KANSL3: variants seen among roughly 807,000 people sequenced by gnomAD.
The protein encoded by KANSL3 is NSL complex protein NSL3.
In KANSL3, 16 loss-of-function variants were observed where a neutral mutation model predicts 89.2. The observed-to-expected ratio is 0.18, with a 90% confidence interval of 0.12 to 0.27. KANSL3 has a LOEUF of 0.27. Ranked by LOEUF, KANSL3 falls within the 10% of genes least tolerant of loss-of-function variation. The pLI is 1.00. For synonymous variants in KANSL3, 385 were observed against 419.7 expected (o/e 0.92, Z 1.01); for missense variants, 879 against 1,110.6 (o/e 0.79, Z 2.96).
downstream of KANSL3, among the ~76,000 whole-genome samples, chr2:96,590,301 T>C (rs1478015350): frequency 9.2e-5 from 14 of 152,138 alleles, no homozygotes. Flanking sequence ...GTTTCTTTTT[T>C]TTTTTCTTTA....
intron 20 of KANSL3, chr2:96,600,828 A>G: frequency 1.0e-6 from 1 of 985,460 alleles, no homozygotes; most frequent in Non-Finnish European, 1.2e-6. Flanking sequence ...TGTGCCCTAA[A>G]AAGACAGCAA....
intron 5 of KANSL3, chr2:96,615,637 T>G: frequency 2.1e-6 from 1 of 483,612 alleles, no homozygotes; most frequent in Non-Finnish European, 3.5e-6. Context: ...TACTACGGTT[T>G]GATGCAAGTT....
downstream of KANSL3, among the ~76,000 whole-genome samples, chr2:96,591,690 AAGG>A (rs1490852993): frequency 1.3e-5 from 2 of 152,200 alleles, no homozygotes; most frequent in Non-Finnish European, 2.9e-5. Context: ...GGGAAGAGAT[AAGG>A]AGAACCAACC....
intron 15 of KANSL3, 95 bp from the exon 16 acceptor site, chr2:96,604,958 A>G: frequency 1.0e-6 from 1 of 988,690 alleles, no homozygotes; most frequent in Non-Finnish European, 1.5e-6. Flanking sequence ...GATATTACGG[A>G]CGAAAACTGG....
chr2:96,596,638 T>A (rs1289925792), intron 20 of KANSL3, among the ~76,000 whole-genome samples: 1 of 152,186 alleles, frequency 6.6e-6, no homozygotes, highest in Non-Finnish European at 1.5e-5. Flanking sequence ...AGACCCCATC[T>A]CAATCAAAAA....
the KANSL3 span, among the ~76,000 whole-genome samples, chr2:96,586,909 G>A: frequency 1.3e-5 from 2 of 151,980 alleles, no homozygotes; most frequent in Non-Finnish European, 2.9e-5. Context: ...TAATTACCTT[G>A]TTTTAGCTAT....
At position 96,601,766 on chromosome 2, in the gene KANSL3, G is replaced by A; in HGVS notation, c.2493C>T (p.Val831=). Residue 831 remains valine (V), a synonymous_variant, in exon 20 of 21, where the codon GTC becomes GTT. Coordinates refer to ENST00000431828, the MANE Select transcript of KANSL3 (RefSeq NM_001115016.3). ...GAAGTGTCAGAGTAATGGTGGTGGG[G>A]ACCTTCAAGCCTGAGATAAAGAGAG... ...QISNQASGLK[V]PTTITLTLRG... The A allele has an allele frequency of 1.3e-6, 2 of 1,572,068 alleles. No homozygotes were observed. The highest frequency in any genetic ancestry group is 2.3e-5 in the South Asian group (2 of 85,416).
chr2:96,617,768 C>T (rs1280050740), intron 5 of KANSL3, among the ~76,000 whole-genome samples: 2 of 151,728 alleles, frequency 1.3e-5, no homozygotes, highest in African/African-American at 4.8e-5. Context: ...GAGGCCGAGG[C>T]GGGCGGATCA....
chr2:96,604,768 T>C lies in KANSL3; in HGVS notation c.2018+11A>G, dbSNP rs924167065. On this transcript the variant is annotated intron_variant, in intron 16 of 20. Coordinates refer to ENST00000431828, the MANE Select transcript of KANSL3 (RefSeq NM_001115016.3). ...AAAGGAATAGACACAGATGGTCCAA[T>C]AAACACTCACTTGGCTGTGGTGAGA... 1.3e-6 allele frequency: 2 copies of C among 1,582,488 alleles called. No individual in the cohort carries two copies. Among genetic ancestry groups the C allele is most frequent in the African/African-American group, 1.3e-5 (1 of 74,256 alleles).
chr2:96,627,221 T>A (rs1468601982), intron 3 of KANSL3, among the ~76,000 whole-genome samples: 2 of 142,312 alleles, frequency 1.4e-5, no homozygotes, highest in African/African-American at 5.3e-5. Context: ...AACATGCTTC[T>A]TTTTTTTTTT....
chr2:96,630,021 GT>G (rs1558775632), intron 3 of KANSL3, among the ~76,000 whole-genome samples: 1 of 152,134 alleles, frequency 6.6e-6, no homozygotes, highest in East Asian at 1.9e-4. Context: ...AAGAAAATCA[GT>G]AAGTGTTGGC....
rs1445141274 is a variant in KANSL3 at position 96,608,926 on chromosome 2, C to T, written c.1522G>A (p.Glu508Lys). Residue 508 changes from glutamate to lysine, a missense_variant, in exon 13 of 21, where the codon GAG becomes AAG. Glu to Lys is a moderately conservative substitution (Grantham distance 56). This residue lies in a region of KANSL3 where 317 missense variants were observed against 311.2 expected (regional missense o/e 1.02). Coordinates refer to ENST00000431828, the MANE Select transcript of KANSL3 (RefSeq NM_001115016.3). ...ARRDLAFEVPERGSRPASPAA... is the reference protein window; with the variant it reads ...ARRDLAFEVPKRGSRPASPAA... The stretch of plus-strand genomic sequence containing the variant: ...GGGGAGGCAGGTCGACTGCCCCGCT[C>T]AGGGACTTCAAAGGCCAAGTCTCTG... 1.9e-6 allele frequency: 3 copies of T among 1,570,360 alleles called. No homozygotes were observed. The highest frequency in any genetic ancestry group is 1.9e-5 in the Admixed American group (1 of 53,014).
At chr2:96,630,394 T>C (rs186692225) in intron 3 of KANSL3, among the ~76,000 whole-genome samples, 2 of 151,800 alleles carry the variant, frequency 1.3e-5, no homozygotes, top group South Asian at 2.1e-4. Context: ...CTTGAAAACA[T>C]CATGCTGGGT....
intron 5 of KANSL3, chr2:96,615,504 T>C (rs1464155785): frequency 1.0e-5 from 13 of 1,287,222 alleles, no homozygotes; most frequent in African/African-American, 1.5e-5. Flanking sequence ...TGAGAAGAAA[T>C]ATCTGCGAAT....
At chr2:96,628,432 C>CGAGT (rs1315235575) in intron 3 of KANSL3, 2 of 241,876 alleles carry the variant, frequency 8.3e-6, no homozygotes, top group Non-Finnish European at 1.5e-5. Flanking sequence ...GGGCAGACCA[C>CGAGT]TTGAGCCAGG....
intron 2 of KANSL3, among the ~76,000 whole-genome samples, chr2:96,632,790 C>A (rs1293004788): frequency 1.3e-5 from 2 of 151,944 alleles, no homozygotes; most frequent in Non-Finnish European, 2.9e-5. Context: ...CATGGAGAAA[C>A]CCCGTCTCTA....
At chr2:96,606,867 G>A in intron 14 of KANSL3, 2 of 546,394 alleles carry the variant, frequency 3.7e-6, no homozygotes, top group Non-Finnish European at 6.1e-6. Context: ...AAAAGAACAG[G>A]AGGAAACCAA....
At chr2:96,617,004 C>T (rs573292617) in intron 5 of KANSL3, among the ~76,000 whole-genome samples, 3 of 152,330 alleles carry the variant, frequency 2.0e-5, no homozygotes, top group South Asian at 4.1e-4. Flanking sequence ...CACTCATCTC[C>T]TACAGTGTAT....
rs1293312898 is a variant in KANSL3 at position 96,637,141 on chromosome 2, T to C, written c.-6A>G. On this transcript the variant is annotated 5_prime_UTR_variant, in exon 2 of 21. Coordinates refer to ENST00000431828, the MANE Select transcript of KANSL3 (RefSeq NM_001115016.3). ...TCCCCACCCCGGTGGGCCATGTCAG[T>C]GGAGGGGCAGAAAGTCAGAGCATGG... is the stretch of plus-strand genomic sequence containing the variant. 8 of 1,546,468 alleles carry C rather than the reference T, an allele frequency of 5.2e-6. No individual in the cohort carries two copies. The highest frequency in any genetic ancestry group is 7.0e-6 in the Non-Finnish European group (8 of 1,142,898).
Sources: gnomAD v4.1 joint callset for allele counts (sites outside exome capture counted in the v4.1 genomes callset) on GRCh38, gnomAD v4.1.1 for gene constraint, gnomAD v4.1.1 regional missense constraint, MANE v1.5 for transcripts, NCBI Gene and HGNC (gene_info 2026-07-23, HGNC 2026-07-21) for gene names.